ZNF33A: variants seen among roughly 807,000 people sequenced by gnomAD.
ZNF33A encodes zinc finger protein 33A.
In ZNF33A, 9 loss-of-function variants were observed where a neutral mutation model predicts 15.9. The observed-to-expected ratio is 0.57, with a 90% CI of 0.34 to 0.99. The LOEUF (loss-of-function observed/expected upper bound fraction) is 0.99. Among genes scored for constraint, ZNF33A ranks in the 50% least tolerant of loss-of-function variants. The pLI is 0.02. For missense variants in ZNF33A, 843 were observed against 941.6 expected (o/e 0.90, Z 1.37); for synonymous variants, 294 against 324.2 (o/e 0.91, Z 1.00).
chr10:38,042,200 T>C (rs2065734762), intron 4 of ZNF33A, among the ~76,000 whole-genome samples: 1 of 152,124 alleles, frequency 6.6e-6, no homozygotes, highest in East Asian at 1.9e-4. Flanking sequence ...TTTTTTTTTT[T>C]TCCCCTGGGA....
chr10:38,024,833 G>C (rs1481848563), intron 4 of ZNF33A, among the ~76,000 whole-genome samples: 1 of 152,216 alleles, frequency 6.6e-6, no homozygotes, highest in Non-Finnish European at 1.5e-5. Context: ...ATTTTGCACT[G>C]TCCTGTCCCA....
At chr10:38,014,962 TC>T (rs1345426132) in intron 2 of ZNF33A, among the ~76,000 whole-genome samples, 1 of 151,636 alleles carries the variant, frequency 6.6e-6, no homozygotes, top group Non-Finnish European at 1.5e-5. Context: ...AACCTCCACC[TC>T]CCGGGTTCAA....
chr10:38,055,022 C>T lies in ZNF33A; in HGVS notation c.898C>T (p.His300Tyr). The T allele has an allele frequency of 6.2e-7, 1 of 1,614,082 alleles. No homozygotes were observed. Among genetic ancestry groups the T allele is most frequent in the Non-Finnish European group, 8.5e-7 (1 of 1,179,998 alleles). The change falls in exon 5 of 5, where the codon CAC becomes TAC. Residue 300 changes from histidine (H) to tyrosine (Y), a missense_variant. Transcript: ENST00000432900. ...LSKPHGVSMK[H>Y]YDCGESGNNF... Reference sequence around the variant, plus strand: ...TAAACCTCATGGGGTATCTATGAAACACTATGATTGTGGTGAAAGTGGGAA... The same window carrying T: ...TAAACCTCATGGGGTATCTATGAAATACTATGATTGTGGTGAAAGTGGGAA...
intron 4 of ZNF33A, among the ~76,000 whole-genome samples, chr10:38,028,707 A>G (rs769437753): frequency 3.3e-5 from 5 of 152,014 alleles, no homozygotes; most frequent in Non-Finnish European, 5.9e-5. Context: ...GCCTCAAGTG[A>G]TCCACCCATC....
At chr10:38,018,729 T>C (rs2064583825) in intron 4 of ZNF33A, among the ~76,000 whole-genome samples, 1 of 152,070 alleles carries the variant, frequency 6.6e-6, no homozygotes, top group Non-Finnish European at 1.5e-5. Flanking sequence ...TCTCAGTATT[T>C]GGAAAGTGGG....
intron 2 of ZNF33A, among the ~76,000 whole-genome samples, chr10:38,015,000 G>A (rs1375165748): frequency 6.6e-6 from 1 of 151,888 alleles, no homozygotes; most frequent in Non-Finnish European, 1.5e-5. Flanking sequence ...AGCCTCCCGA[G>A]GAATTGGAAT....
intron 4 of ZNF33A, among the ~76,000 whole-genome samples, chr10:38,025,110 A>G (rs2064927639): frequency 6.6e-6 from 1 of 152,220 alleles, no homozygotes; most frequent in Admixed American, 6.5e-5. Flanking sequence ...AAAACATAGT[A>G]TTTATAGGGC....
At chr10:38,029,922 G>T (rs1246915247) in intron 4 of ZNF33A, among the ~76,000 whole-genome samples, 9 of 152,060 alleles carry the variant, frequency 5.9e-5, no homozygotes, top group Non-Finnish European at 1.2e-4. Context: ...GAAAGGGAAA[G>T]AAAAATTTTT....
At chr10:38,023,086 C>T (rs2064826375) in intron 4 of ZNF33A, among the ~76,000 whole-genome samples, 2 of 152,124 alleles carry the variant, frequency 1.3e-5, no homozygotes, top group Admixed American at 6.6e-5. Context: ...GCTGGGACTG[C>T]AGGCACATGC....
At chr10:38,046,531 T>A (rs1450620352) in intron 4 of ZNF33A, among the ~76,000 whole-genome samples, 2 of 152,154 alleles carry the variant, frequency 1.3e-5, no homozygotes, top group Non-Finnish European at 2.9e-5. Flanking sequence ...GTGACTTAAG[T>A]GCATCCTAGA....
chr10:38,066,094 G>T (rs1364910765), downstream of ZNF33A, among the ~76,000 whole-genome samples: 1 of 152,052 alleles, frequency 6.6e-6, no homozygotes, highest in African/African-American at 2.4e-5. Context: ...CTGAAACTCA[G>T]AACCCTGTAT....
intron 4 of ZNF33A, among the ~76,000 whole-genome samples, chr10:38,032,205 A>G (rs1804911360): frequency 1.3e-5 from 2 of 152,144 alleles, no homozygotes; most frequent in African/African-American, 4.8e-5. Flanking sequence ...GCAAAAGTAA[A>G]TGTTACACAG....
chr10:38,010,512 C>G, upstream of ZNF33A: 1 of 642,692 alleles, frequency 1.6e-6, no homozygotes, highest in Non-Finnish European at 2.8e-6. Context: ...GTTCCAGCAC[C>G]AACTCAGACC....
chr10:38,012,458 G>GTC, intron 2 of ZNF33A, 108 bp downstream of exon 2: 3 of 1,239,114 alleles, frequency 2.4e-6, no homozygotes, highest in Non-Finnish European at 3.3e-6. Flanking sequence ...GTGAGACGGA[G>GTC]TCTCACTCTG....
intron 1 of ZNF33A, among the ~76,000 whole-genome samples, chr10:38,011,634 TTTTTTTTG>T (rs1002823561): frequency 1.1e-4 from 17 of 151,440 alleles, no homozygotes; most frequent in African/African-American, 4.2e-4. Context: ...AAGAAAAAGA[TTTTTTTTG>T]TTTTTTTGTT....
chr10:38,015,187 CTTGA>C (rs2064391273), intron 2 of ZNF33A, among the ~76,000 whole-genome samples: 1 of 152,022 alleles, frequency 6.6e-6, no homozygotes, highest in South Asian at 2.1e-4. Flanking sequence ...CAATTCCATT[CTTGA>C]TTATTTTCTT....
intron 1 of ZNF33A, among the ~76,000 whole-genome samples, chr10:38,011,664 C>T (rs2064192726): frequency 6.6e-6 from 1 of 152,152 alleles, no homozygotes; most frequent in Non-Finnish European, 1.5e-5. Context: ...GTTAAGGTCA[C>T]TGACTTGTTC....
chr10:38,051,765 T>A (rs993858928), intron 4 of ZNF33A, among the ~76,000 whole-genome samples: 2 of 152,124 alleles, frequency 1.3e-5, no homozygotes, highest in African/African-American at 2.4e-5. Flanking sequence ...TTACTATACT[T>A]CTTTTTATAC....
At chr10:38,049,877 CAAAA>C (rs1392074567) in intron 4 of ZNF33A, among the ~76,000 whole-genome samples, 6 of 152,000 alleles carry the variant, frequency 3.9e-5, no homozygotes, top group Non-Finnish European at 7.4e-5. Flanking sequence ...TTATCAATAT[CAAAA>C]ATAAGAATGA....
Sources: allele counts gnomAD v4.1 joint callset (sites outside exome capture counted in the v4.1 genomes callset), GRCh38; gene constraint gnomAD v4.1.1; transcripts MANE v1.5; gene names NCBI Gene and HGNC (gene_info 2026-07-23, HGNC 2026-07-21).